Variants in RYR2 observed in about 807,000 individuals in gnomAD.
RYR2 encodes the protein ryanodine receptor 2.
In RYR2, 227 loss-of-function variants were observed where a neutral mutation model predicts 601.1. The ratio of observed to expected loss-of-function variants is 0.38; its 90% CI spans 0.34 to 0.42. The LOEUF is 0.42. Ranked by LOEUF, RYR2 falls within the 10% of genes least tolerant of loss-of-function variation. The pLI, the probability that RYR2 is intolerant of heterozygous loss-of-function variation, is 1.00. For synonymous variants in RYR2, 2,223 were observed against 2,175.1 expected, an observed-to-expected ratio of 1.02 and a Z score of -0.61; for missense variants, 4,646 against 6,156.5, an observed-to-expected ratio of 0.75 and a Z score of 8.21.
chr1:237,307,889 A>G (rs551331357), intron 2 of RYR2, among the ~76,000 whole-genome samples: 46 of 152,244 alleles, frequency 3.0e-4, no homozygotes, highest in Non-Finnish European at 5.3e-4. Flanking sequence ...GCATAATATT[A>G]TCAGAGGCAT....
At chr1:237,112,510 A>C (rs534586719) in intron 1 of RYR2, among the ~76,000 whole-genome samples, 2 of 150,630 alleles carry the variant, frequency 1.3e-5, no homozygotes, top group Admixed American at 1.3e-4. Flanking sequence ...ATTTTTGCCC[A>C]GGCTACCCTT....
At chr1:237,459,146 A>T (rs1490846375) in intron 16 of RYR2, among the ~76,000 whole-genome samples, 1 of 152,262 alleles carries the variant, frequency 6.6e-6, no homozygotes, top group African/African-American at 2.4e-5. Flanking sequence ...ATAATATAGC[A>T]GAGACTAAAG....
chr1:237,748,667 A>C (rs1573789189), intron 80 of RYR2, among the ~76,000 whole-genome samples: 1 of 152,320 alleles, frequency 6.6e-6, no homozygotes, highest in Non-Finnish European at 1.5e-5. Flanking sequence ...GACACAAGGA[A>C]GATTCCCAGA....
chr1:237,437,660 G>A (rs1266232654), intron 12 of RYR2, among the ~76,000 whole-genome samples: 1 of 152,286 alleles, frequency 6.6e-6, no homozygotes, highest in East Asian at 1.9e-4. Flanking sequence ...GATAGTGAAA[G>A]TACAACATGC....
intron 76 of RYR2, among the ~76,000 whole-genome samples, chr1:237,728,406 C>G (rs12060532): frequency 0.031 from 4,746 of 152,094 alleles, 96 homozygotes; most frequent in African/African-American, 0.056. Flanking sequence ...CCAGAAATAC[C>G]ATTTAACCCA....
intron 8 of RYR2, among the ~76,000 whole-genome samples, chr1:237,384,896 TA>T (rs1370854679): frequency 2.1e-5 from 3 of 146,160 alleles, no homozygotes; most frequent in Admixed American, 7.0e-5. Flanking sequence ...TTTATTATTT[TA>T]TTTTTTTTTG....
At chr1:237,806,474 T>A (rs1177411431) in intron 99 of RYR2, among the ~76,000 whole-genome samples, 191 bp downstream of exon 99, 1 of 152,228 alleles carries the variant, frequency 6.6e-6, no homozygotes, top group Non-Finnish European at 1.5e-5. Flanking sequence ...AAGCCTTGGC[T>A]TGACTTTGGA....
rs1355761857 is a variant in RYR2, at chr1:237,732,062, C to A, written c.10952C>A (p.Pro3651His). The A allele has an allele frequency of 3.7e-6, 6 of 1,603,574 alleles. No homozygotes were observed. The highest frequency in any genetic ancestry group is 1.3e-5 in the African/African-American group (1 of 74,470). ...TTTTTGCAGAAACCTGGGGCTGAAC[C>A]TCCAGAAGAAGATGAAGGCACTAAG... ...IEDLAKPGAE[P>H]PEEDEGTKRV... is the part of the protein sequence containing the mutation. The change falls in exon 78 of 105, where the codon CCT (proline) becomes CAT (histidine). Residue 3651 changes from proline to histidine, a missense_variant. By Grantham distance (77) the Pro-to-His change is moderately conservative. Transcript: ENST00000366574.
intron 79 of RYR2, among the ~76,000 whole-genome samples, chr1:237,736,461 CA>C (rs56178537): frequency 0.31 from 40,419 of 129,400 alleles, 5,594 homozygotes; most frequent in East Asian, 0.53. Flanking sequence ...GAGTCCGTTT[CA>C]AAAAAAAAAA....
chr1:237,411,524 T>C (rs1704449855), intron 10 of RYR2, among the ~76,000 whole-genome samples: 1 of 152,078 alleles, frequency 6.6e-6, no homozygotes, highest in Non-Finnish European at 1.5e-5. Flanking sequence ...TATGGAAGGA[T>C]TGAATATAAA....
chr1:237,632,610 A>T (rs1394421689), intron 42 of RYR2, among the ~76,000 whole-genome samples: 1 of 151,836 alleles, frequency 6.6e-6, no homozygotes, highest in Non-Finnish European at 1.5e-5. Context: ...GTTAGCCAGG[A>T]TGGTCTTGAT....
At position 237,422,939 on chromosome 1, in the gene RYR2, T is replaced by C. The variant is rs1309156545; in HGVS notation, c.849-153T>C. Reference sequence around the variant, plus strand: ...ATCATTCTGAATAGCCATTTTGTTATTTGTGAAATGAAATTAATATCACTA... The same window carrying C: ...ATCATTCTGAATAGCCATTTTGTTACTTGTGAAATGAAATTAATATCACTA... On this transcript the variant is annotated intron_variant, in intron 11 of 104. Coordinates refer to ENST00000366574, the MANE Select transcript of RYR2 (RefSeq NM_001035.3). Among the ~76,000 whole-genome samples, 4 of 152,268 alleles carry C rather than the reference T, an allele frequency of 2.6e-5. No homozygotes were observed. In the South Asian group the frequency reaches 6.2e-4, roughly 24 times the overall value.
At chr1:237,530,139 G>A (rs1246048228) in intron 24 of RYR2, among the ~76,000 whole-genome samples, 3 of 151,866 alleles carry the variant, frequency 2.0e-5, no homozygotes, top group East Asian at 1.9e-4. Flanking sequence ...GTGAAACCCC[G>A]TCTCTACTAA....
chr1:237,571,870 T>C (rs1672738866), intron 29 of RYR2, among the ~76,000 whole-genome samples: 1 of 152,170 alleles, frequency 6.6e-6, no homozygotes, highest in Non-Finnish European at 1.5e-5. Context: ...GAAGTTTTGA[T>C]ACAGGCATGC....
intron 10 of RYR2, among the ~76,000 whole-genome samples, chr1:237,415,647 A>T (rs1704905130): frequency 6.6e-6 from 1 of 152,208 alleles, no homozygotes; most frequent in Non-Finnish European, 1.5e-5. Context: ...CATATGGTAC[A>T]GACTGATTAT....
At chr1:237,800,791 ATTTAC>A (rs1200568104) in intron 97 of RYR2, among the ~76,000 whole-genome samples, 1 of 152,206 alleles carries the variant, frequency 6.6e-6, no homozygotes, top group Non-Finnish European at 1.5e-5. Context: ...GATCACAAAT[ATTTAC>A]TTTAGTATTT....
At chr1:237,361,227 ATTG>A (rs749435966) in intron 4 of RYR2, among the ~76,000 whole-genome samples, 137 of 152,324 alleles carry the variant, frequency 9.0e-4, no homozygotes, top group Non-Finnish European at 1.2e-3. Flanking sequence ...GGAACTCAGA[ATTG>A]TTGTTAATTT....
chr1:237,322,222 G>A (rs901055855), intron 2 of RYR2, among the ~76,000 whole-genome samples: 3 of 152,164 alleles, frequency 2.0e-5, no homozygotes, highest in African/African-American at 7.2e-5. Context: ...GGTTATGCCT[G>A]AACGAATCTG....
chr1:237,536,798 A>T (rs1462195428), intron 25 of RYR2, among the ~76,000 whole-genome samples: 1 of 150,476 alleles, frequency 6.6e-6, no homozygotes, highest in Non-Finnish European at 1.5e-5. Context: ...AGGCAGGAGA[A>T]TGGCGTGAAC....
Sources: gnomAD v4.1 joint callset for allele counts (sites outside exome capture counted in the v4.1 genomes callset) on GRCh38, gnomAD v4.1.1 for gene constraint, MANE v1.5 for transcripts, NCBI Gene and HGNC (gene_info 2026-07-23, HGNC 2026-07-21) for gene names.